Variants in RANBP17 observed in about 807,000 individuals in gnomAD.
The protein encoded by RANBP17 is ran-binding protein 17.
RANBP17 carries 158 observed loss-of-function variants against 141.2 expected under a neutral mutation model. The ratio of observed to expected loss-of-function variants is 1.12; its 90% confidence interval spans 0.98 to 1.28. The LOEUF (loss-of-function observed/expected upper bound fraction) is 1.28. Ranked by LOEUF, RANBP17 falls within the 50% of genes most tolerant of loss-of-function variation. The probability of loss-of-function intolerance (pLI) is 0.00; values close to 1 mark genes in which losing one functional copy is unlikely to be tolerated. For missense variants in RANBP17, 1,438 were observed against 1,290.7 expected, an observed-to-expected ratio of 1.11 and a Z score of -1.75; for synonymous variants, 430 against 450.0, an observed-to-expected ratio of 0.96 and a Z score of 0.56.
intron 14 of RANBP17, among the ~76,000 whole-genome samples, chr5:171,070,730 C>T (rs1185737407): frequency 6.6e-6 from 1 of 151,998 alleles, no homozygotes; most frequent in African/African-American, 2.4e-5. Context: ...TTCCCCTCCT[C>T]TACACTTTAC....
chr5:171,041,730 T>C (rs1782260695), intron 14 of RANBP17, among the ~76,000 whole-genome samples: 1 of 151,208 alleles, frequency 6.6e-6, no homozygotes, highest in Non-Finnish European at 1.5e-5. Flanking sequence ...AAAAATACAC[T>C]TTTTTTTAAA....
intron 14 of RANBP17, among the ~76,000 whole-genome samples, chr5:171,047,475 C>T (rs1189684574): frequency 1.2e-4 from 15 of 126,220 alleles, no homozygotes; most frequent in African/African-American, 5.9e-5. Context: ...CTCACTCTGT[C>T]GCCCAGGCTG....
intron 24 of RANBP17, chr5:171,251,887 G>C: frequency 1.3e-6 from 2 of 1,515,572 alleles, no homozygotes; most frequent in Non-Finnish European, 9.2e-7. Flanking sequence ...ATTAGAGAAG[G>C]AGATTGGTCC....
At position 171,289,891 on chromosome 5, in the gene RANBP17, G is replaced by A. The variant is rs1426842036; in HGVS notation, c.2944-3992G>A. 3.3e-5 allele frequency among the ~76,000 whole-genome samples: 5 copies of A among 152,104 alleles called. No homozygotes were observed. The South Asian group carries it at 6.2e-4, about 19-fold the overall frequency. ...CTAAAAATACAAAAATTAGCCAGGT[G>A]TGGTGGCACATGCCTATAGTCCCAG... On this transcript the variant is annotated intron_variant, in intron 25 of 27. Transcript: ENST00000523189.
chr5:171,130,844 G>A (rs1182521345), intron 14 of RANBP17, among the ~76,000 whole-genome samples: 1 of 152,154 alleles, frequency 6.6e-6, no homozygotes, highest in Non-Finnish European at 1.5e-5. Flanking sequence ...ATGTTGTGAA[G>A]ATGAAAAGCT....
chr5:171,105,983 T>C (rs2127751178), intron 14 of RANBP17, among the ~76,000 whole-genome samples: 1 of 152,334 alleles, frequency 6.6e-6, no homozygotes, highest in Non-Finnish European at 1.5e-5. Flanking sequence ...AAGGGGTAAA[T>C]TGTTCTACAC....
intron 22 of RANBP17, among the ~76,000 whole-genome samples, chr5:171,230,944 G>GT (rs922095604): frequency 4.6e-5 from 7 of 151,408 alleles, no homozygotes; most frequent in South Asian, 2.1e-4. Context: ...GTTTTGTTTT[G>GT]TTTTTTTGTT....
chr5:171,277,995 A>AGGTAGACAT (rs1381670315), intron 25 of RANBP17, among the ~76,000 whole-genome samples: 1 of 112,662 alleles, frequency 8.9e-6, no homozygotes, highest in Non-Finnish European at 1.7e-5. Flanking sequence ...ATTGGACAGG[A>AGGTAGACAT]GGTAGACATT....
At chr5:171,203,452 A>G (rs1440247449) in intron 19 of RANBP17, among the ~76,000 whole-genome samples, 2 of 152,146 alleles carry the variant, frequency 1.3e-5, no homozygotes, top group African/African-American at 4.8e-5. Context: ...ATATTGTTTG[A>G]GCATAAGAAA....
At chr5:170,879,090 A>G (rs576383725) in intron 2 of RANBP17, among the ~76,000 whole-genome samples, 20 of 152,098 alleles carry the variant, frequency 1.3e-4, no homozygotes, top group African/African-American at 1.4e-4. Context: ...GTTGTTTTCT[A>G]TCATCATCAT....
chr5:170,952,112 T>TAGAG (rs1204216895), intron 12 of RANBP17, among the ~76,000 whole-genome samples: 1 of 152,026 alleles, frequency 6.6e-6, no homozygotes, highest in Admixed American at 6.6e-5. Flanking sequence ...TACCACTTGA[T>TAGAG]AGAGCCTACA....
At chr5:171,228,368 C>G (rs1013250055) in intron 22 of RANBP17, among the ~76,000 whole-genome samples, 1 of 152,128 alleles carries the variant, frequency 6.6e-6, no homozygotes, top group Non-Finnish European at 1.5e-5. Context: ...CAGCAAGAGA[C>G]CTATAATTAG....
chr5:171,118,195 C>G (rs143218115), intron 14 of RANBP17, among the ~76,000 whole-genome samples: 20 of 152,186 alleles, frequency 1.3e-4, no homozygotes, highest in Middle Eastern at 6.8e-3. Context: ...GGTCTAGTTT[C>G]GTACTTCAGC....
chr5:171,231,864 C>A (rs550526368), intron 22 of RANBP17, among the ~76,000 whole-genome samples: 17 of 152,082 alleles, frequency 1.1e-4, no homozygotes, highest in Non-Finnish European at 1.5e-4. Flanking sequence ...CAGCTAACTA[C>A]AGCTAAAGAT....
chr5:170,922,084 C>T (rs1267408716), intron 11 of RANBP17, among the ~76,000 whole-genome samples: 1 of 126,900 alleles, frequency 7.9e-6, no homozygotes, highest in Non-Finnish European at 1.8e-5. Context: ...CTAACAGACC[C>T]CTCAGCTGCA....
At chr5:171,090,203 G>C (rs1361895108) in intron 14 of RANBP17, among the ~76,000 whole-genome samples, 1 of 152,190 alleles carries the variant, frequency 6.6e-6, no homozygotes, top group East Asian at 1.9e-4. Context: ...TGCTGATAAT[G>C]ATATGGACAG....
At chr5:171,208,673 A>G (rs1215039938) in intron 20 of RANBP17, among the ~76,000 whole-genome samples, 1 of 152,224 alleles carries the variant, frequency 6.6e-6, no homozygotes, top group Non-Finnish European at 1.5e-5. Flanking sequence ...AGAGGAGCAC[A>G]AACTTTGGAA....
chr5:171,143,844 T>G (rs1757865200), intron 14 of RANBP17, among the ~76,000 whole-genome samples: 2 of 152,134 alleles, frequency 1.3e-5, no homozygotes. Context: ...TTTGCCAGGT[T>G]GAAAAGGAGA....
At chr5:171,063,233 G>A (rs866924870) in intron 14 of RANBP17, among the ~76,000 whole-genome samples, 49 of 152,258 alleles carry the variant, frequency 3.2e-4, no homozygotes, top group African/African-American at 1.1e-3. Flanking sequence ...GAGGAGAGGC[G>A]CTCTGCTTTT....
Sources: allele counts gnomAD v4.1 joint callset (sites outside exome capture counted in the v4.1 genomes callset), GRCh38; gene constraint gnomAD v4.1.1; transcripts MANE v1.5; gene names NCBI Gene and HGNC (gene_info 2026-07-23, HGNC 2026-07-21).